PKN2: variants seen among roughly 807,000 people sequenced by gnomAD.
PKN2 encodes protein kinase N2, also known as serine/threonine-protein kinase N2.
PKN2 carries 38 observed loss-of-function variants against 119.1 expected under a neutral mutation model. That is an observed-to-expected ratio of 0.32 (90% CI 0.25 to 0.42). PKN2 has a LOEUF of 0.42. Ranked by LOEUF, PKN2 falls within the 10% of genes least tolerant of loss-of-function variation. The probability of loss-of-function intolerance (pLI) is 1.00; values close to 1 mark genes in which losing one functional copy is unlikely to be tolerated. For missense variants in PKN2, 850 were observed against 1,165.1 expected (o/e 0.73, Z 3.94); for synonymous variants, 390 against 384.9 (o/e 1.01, Z -0.15).
intron 2 of PKN2, among the ~76,000 whole-genome samples, chr1:88,743,622 G>C (rs942903291): frequency 6.6e-6 from 1 of 152,066 alleles, no homozygotes; most frequent in African/African-American, 2.4e-5. Context: ...TCACTAAACT[G>C]TCTCCTCCTT....
At chr1:88,767,269 A>C (rs1169796246) in intron 3 of PKN2, among the ~76,000 whole-genome samples, 1 of 152,172 alleles carries the variant, frequency 6.6e-6, no homozygotes, top group African/African-American at 2.4e-5. Context: ...TATGCAAGAA[A>C]CCTAAGGTTT....
rs988721006 is a variant in PKN2, at chr1:88,761,733, A to AT, written c.504+1363dup. On this transcript the variant is annotated intron_variant, in intron 3 of 21. Transcript: ENST00000370521. ...AGATTTTATGTTATATTTCAAAAGAATTTTTTGTTACTTTTAGAGAAATGT... is the reference window on the plus strand; with the variant it reads ...AGATTTTATGTTATATTTCAAAAGAATTTTTTTGTTACTTTTAGAGAAATGT... Among the ~76,000 whole-genome samples the AT allele has an allele frequency of 4.6e-5, 7 of 151,986 alleles. No individual in the cohort carries two copies. In the South Asian group the frequency reaches 6.2e-4, roughly 14 times the overall value.
intron 16 of PKN2, among the ~76,000 whole-genome samples, chr1:88,820,880 C>T (rs1370630558): frequency 6.6e-6 from 1 of 152,170 alleles, no homozygotes; most frequent in South Asian, 2.1e-4. Flanking sequence ...TCATTTATTT[C>T]CTCCTTGTTC....
chr1:88,807,163 A>C (rs938651320), intron 12 of PKN2, 150 bp from the exon 13 acceptor site: 3 of 599,180 alleles, frequency 5.0e-6, no homozygotes, highest in Non-Finnish European at 8.2e-6. Context: ...AAAAGAAAAA[A>C]AAATTTTTTT....
In PKN2 at chr1:88,709,981, G is replaced by T. The variant is rs191569415; in HGVS notation, c.48+25353G>T. Among the ~76,000 whole-genome samples, 125 of 152,308 alleles carry T rather than the reference G, an allele frequency of 8.2e-4. 1 individual carries two copies. Among genetic ancestry groups the T allele is most frequent in the African/African-American group, 2.9e-3 (122 of 41,566 alleles). On this transcript the variant is annotated intron_variant, in intron 1 of 21. Transcript: ENST00000370521. ...AAATGATCCTTAGGATTGGAGGTGGGTGATTGTGGATTTTGGCATCATCAA... is the reference window on the plus strand; with the variant it reads ...AAATGATCCTTAGGATTGGAGGTGGTTGATTGTGGATTTTGGCATCATCAA...
At chr1:88,773,949 A>G (rs1669988875) in intron 6 of PKN2, among the ~76,000 whole-genome samples, 1 of 152,226 alleles carries the variant, frequency 6.6e-6, no homozygotes, top group Non-Finnish European at 1.5e-5. Context: ...TTCCAAGGCT[A>G]CATGCACTCC....
chr1:88,704,778 C>CAAAA (rs35670791), intron 1 of PKN2, among the ~76,000 whole-genome samples: 9 of 75,906 alleles, frequency 1.2e-4, no homozygotes, highest in African/African-American at 2.0e-4. Context: ...GACCCTGTCT[C>CAAAA]AAAAAAAAAA....
Position 88,691,118 on chromosome 1 carries a change from C to T in PKN2, c.48+6490C>T, listed in dbSNP as rs1046717705. Among the ~76,000 whole-genome samples the T allele has an allele frequency of 2.6e-5, 4 of 152,174 alleles. No homozygotes were observed. The South Asian group carries it at 8.3e-4, about 32-fold the overall frequency. Reference sequence around the variant, plus strand: ...TCGTTCTGTCACCCAGCTTGAAGTGCAGTGACGTGATCTCGGCTCACTGCA... The same window carrying T: ...TCGTTCTGTCACCCAGCTTGAAGTGTAGTGACGTGATCTCGGCTCACTGCA... On this transcript the variant is annotated intron_variant, in intron 1 of 21. Transcript: ENST00000370521.
At chr1:88,772,086 C>G (rs1669919000) in intron 6 of PKN2, among the ~76,000 whole-genome samples, 1 of 152,168 alleles carries the variant, frequency 6.6e-6, no homozygotes, top group Non-Finnish European at 1.5e-5. Context: ...TCACCACTAC[C>G]TAGTTTCAAA....
rs187522054 is a variant in PKN2 at position 88,796,365 on chromosome 1, G to A, written c.1282-8026G>A. ...TCCAATCCCTACCCCTCCTTACACC[G>A]AAACCCTTTAGTACCAGCCTGTAAC... On this transcript the variant is annotated intron_variant, in intron 8 of 21. Transcript: ENST00000370521. Among the ~76,000 whole-genome samples the A allele has an allele frequency of 7.2e-4, 109 of 151,606 alleles. No individual in the cohort carries two copies. The Middle Eastern group carries it at 0.01, about 14-fold the overall frequency.
At chr1:88,807,195 T>C in intron 12 of PKN2, 118 bp from the exon 13 acceptor site, 1 of 819,366 alleles carries the variant, frequency 1.2e-6, no homozygotes, top group Non-Finnish European at 1.8e-6. Context: ...ATCTGAATTT[T>C]ACTTTTCACT....
At chr1:88,821,899 A>G (rs1672306948) in intron 16 of PKN2, 42 bp from the exon 17 acceptor site, 5 of 1,462,210 alleles carry the variant, frequency 3.4e-6, no homozygotes, top group Non-Finnish European at 4.6e-6. Flanking sequence ...TTCAAGAGCA[A>G]TAAAATTTAT....
rs1258553523 is a variant in PKN2 at position 88,833,577 on chromosome 1, G to A, written c.*129G>A. The A allele has an allele frequency of 2.9e-6, 2 of 685,838 alleles. No individual in the cohort carries two copies. The highest frequency in any genetic ancestry group is 5.6e-5 in the Admixed American group (2 of 35,756). The allele number at this position is 685,838 out of a possible 1,614,324, so 42.5% of individuals were successfully genotyped here. On this transcript the variant is annotated 3_prime_UTR_variant, in exon 22 of 22. Coordinates refer to ENST00000370521, the MANE Select transcript of PKN2 (RefSeq NM_006256.4). ...TGTTGTTGTTTTTATTGAAACACGTGAAGATTTGTTTAAAAGTACCATTCT... is the reference window on the plus strand; with the variant it reads ...TGTTGTTGTTTTTATTGAAACACGTAAAGATTTGTTTAAAAGTACCATTCT...
At position 88,786,109 on chromosome 1, in the gene PKN2, G is replaced by A. The variant is rs775740473; in HGVS notation, c.1177G>A (p.Val393Ile). ...LLKTDDLSND[V>I]CAVLKLDNTV... ...TTTGTAAATTTTAATTACAGATGAT[G>A]TCTGTGCTGTTTTGAAGCTCGATAA... is the stretch of plus-strand genomic sequence containing the variant. The change falls in exon 8 of 22, where the codon GTC becomes ATC. Residue 393 changes from valine to isoleucine, a missense_variant. By Grantham distance (29) the Val-to-Ile change is conservative (BLOSUM62 3). Transcript: ENST00000370521. The A allele has an allele frequency of 6.3e-7, 1 of 1,592,952 alleles. No homozygotes were observed. The highest frequency in any genetic ancestry group is 8.6e-7 in the Non-Finnish European group (1 of 1,161,712).
intron 6 of PKN2, among the ~76,000 whole-genome samples, chr1:88,776,567 C>A (rs1219425340): frequency 3.3e-5 from 5 of 151,774 alleles, no homozygotes; most frequent in Non-Finnish European, 7.4e-5. Context: ...TGGTGAAACC[C>A]CATCTATACT....
At chr1:88,690,099 A>G (rs1439093258) in intron 1 of PKN2, among the ~76,000 whole-genome samples, 1 of 152,232 alleles carries the variant, frequency 6.6e-6, no homozygotes, top group Non-Finnish European at 1.5e-5. Context: ...CATTAGTGTA[A>G]TAGAGATTAG....
At chr1:88,696,271 A>G (rs1024940843) in intron 1 of PKN2, among the ~76,000 whole-genome samples, 3 of 152,236 alleles carry the variant, frequency 2.0e-5, no homozygotes, top group Admixed American at 6.5e-5. Context: ...ACAGTTGCAG[A>G]AAATAGAAAC....
intron 1 of PKN2, among the ~76,000 whole-genome samples, chr1:88,733,344 C>G (rs1446652084): frequency 6.6e-6 from 1 of 151,548 alleles, no homozygotes; most frequent in Non-Finnish European, 1.5e-5. Flanking sequence ...CTCATCAACA[C>G]CTGCTATCTT....
intron 15 of PKN2, among the ~76,000 whole-genome samples, chr1:88,813,145 C>T (rs1033575786): frequency 1.3e-5 from 2 of 152,094 alleles, no homozygotes; most frequent in African/African-American, 4.8e-5. Flanking sequence ...AATACTATAG[C>T]TTGTGAATTA....
Sources: gnomAD v4.1 joint callset for allele counts (sites outside exome capture counted in the v4.1 genomes callset) on GRCh38, gnomAD v4.1.1 for gene constraint, MANE v1.5 for transcripts, NCBI Gene and HGNC (gene_info 2026-07-23, HGNC 2026-07-21) for gene names.